The following PEA15 variants were observed in gnomAD, a reference collection of about 807,000 sequenced individuals.
PEA15 encodes the protein astrocytic phosphoprotein PEA-15.
For missense variants in PEA15, 77 were observed against 161.3 expected, an observed-to-expected ratio of 0.48 and a Z score of 2.83; for synonymous variants, 60 against 61.8, an observed-to-expected ratio of 0.97 and a Z score of 0.13.
At chr1:160,212,988 T>C in intron 2 of PEA15, 122 bp from the exon 3 acceptor site, 1 of 906,302 alleles carries the variant, frequency 1.1e-6, no homozygotes, top group East Asian at 2.4e-5. Flanking sequence ...CTTCCTCCAG[T>C]GTTGTACCCT....
At chr1:160,209,704 C>T (rs1357227693) in intron 1 of PEA15, among the ~76,000 whole-genome samples, 1 of 152,206 alleles carries the variant, frequency 6.6e-6, no homozygotes, top group Non-Finnish European at 1.5e-5. Flanking sequence ...TCTCCTGCTG[C>T]GCTTTCCCTT....
Position 160,208,422 on chromosome 1 carries a change from G to A in PEA15, c.-3+2900G>A, listed in dbSNP as rs1211198054. The A allele has an allele frequency of 1.0e-5, 6 of 594,478 alleles. No individual in the cohort carries two copies. Among genetic ancestry groups the A allele is most frequent in the Non-Finnish European group, 1.8e-5 (6 of 335,198 alleles). 36.8% of individuals were successfully genotyped at this position (594,478 alleles called of 1,614,324 possible). On this transcript the variant is annotated intron_variant, in intron 1 of 3. Transcript: ENST00000360472. This position sits in a 1 kb window ranked among gnomAD's most constrained non-coding sequence, Gnocchi z 4.1. ...AAGAGGACTGACTTCCTGGCAGCCG[G>A]GGCTCCGGTTCCTGATTCCTGCCCT...
chr1:160,208,001 G>A lies in PEA15; in HGVS notation c.-3+2479G>A, dbSNP rs530469409. Among the ~76,000 whole-genome samples, 5 of 152,298 alleles carry A rather than the reference G, an allele frequency of 3.3e-5. No individual in the cohort carries two copies. Among genetic ancestry groups the A allele is most frequent in the Non-Finnish European group, 7.4e-5 (5 of 68,020 alleles). ...GCTGCAACAGATGTGGAAGAGGGACGGGCAGCAACTCTTAATCTTCAGGCT... is the reference window on the plus strand; with the variant it reads ...GCTGCAACAGATGTGGAAGAGGGACAGGCAGCAACTCTTAATCTTCAGGCT... On this transcript the variant is annotated intron_variant, in intron 1 of 3. Transcript: ENST00000360472. This position sits in a 1 kb window ranked among gnomAD's most constrained non-coding sequence, Gnocchi z 4.1.
chr1:160,211,383 GTCTTCCT>G, intron 1 of PEA15, 153 bp from the exon 2 acceptor site: 1 of 1,318,646 alleles, frequency 7.6e-7, no homozygotes, highest in Non-Finnish European at 9.8e-7. Flanking sequence ...CCTCCCCTAG[GTCTTCCT>G]TTTCTCCCTC....
intron 1 of PEA15, among the ~76,000 whole-genome samples, chr1:160,207,490 C>A (rs565155795): frequency 1.4e-4 from 22 of 152,268 alleles, no homozygotes; most frequent in African/African-American, 5.1e-4. Context: ...TCTCCTGATG[C>A]CCCATCTTGG....
chr1:160,211,743 G>A, intron 2 of PEA15, 27 bp downstream of exon 2: 1 of 1,602,098 alleles, frequency 6.2e-7, no homozygotes. Flanking sequence ...CAGGGGTCCT[G>A]TCATCAGTCA....
intron 1 of PEA15, among the ~76,000 whole-genome samples, chr1:160,206,746 T>G (rs1415466437): frequency 6.6e-6 from 1 of 151,968 alleles, no homozygotes. Flanking sequence ...AAACAGTGTT[T>G]GAGAGTGCAC....
In PEA15 at chr1:160,211,574, C is replaced by T. The variant is rs1475862545; in HGVS notation, c.30C>T (p.Asp10=). 7 of 1,613,654 alleles carry T rather than the reference C, an allele frequency of 4.3e-6. No homozygotes were observed. In the East Asian group the frequency reaches 1.6e-4, roughly 36 times the overall value. Residue 10 remains aspartate, a synonymous_variant, in exon 2 of 4, where the codon GAC becomes GAT. Coordinates refer to ENST00000360472, the MANE Select transcript of PEA15 (RefSeq NM_003768.5). MAEYGTLLQ[D]LTNNITLEDL... is the part of the protein sequence containing the mutation. ...CTGAGTACGGGACCCTCCTGCAAGA[C>T]CTGACCAACAACATCACCCTTGAAG...
intron 1 of PEA15, 118 bp from the exon 2 acceptor site, chr1:160,211,425 A>G (rs1226369908): frequency 2.2e-6 from 3 of 1,367,702 alleles, no homozygotes; most frequent in Non-Finnish European, 2.9e-6. Context: ...TCCAGCCTCC[A>G]TGTTCCAGGC....
At chr1:160,212,978 C>A in intron 2 of PEA15, 132 bp from the exon 3 acceptor site, 1 of 817,970 alleles carries the variant, frequency 1.2e-6, no homozygotes, top group Admixed American at 2.1e-5. Flanking sequence ...AGTAGCCCCT[C>A]TTCCTCCAGT....
At chr1:160,211,497 A>G (rs1481546303) in intron 1 of PEA15, 46 bp from the exon 2 acceptor site, 2 of 1,554,242 alleles carry the variant, frequency 1.3e-6, no homozygotes, top group South Asian at 2.4e-5. Flanking sequence ...ACCAGACTCC[A>G]TACCTTAAGC....
At position 160,213,576 on chromosome 1, in the gene PEA15, A is replaced by ACTAACCTGG; in HGVS notation, c.*90_*91insCTAACCTGG. 8.9e-7 allele frequency: 1 copy of ACTAACCTGG among 1,124,202 alleles called. No individual in the cohort carries two copies. The highest frequency in any genetic ancestry group is 1.5e-5 in the African/African-American group (1 of 65,160). 69.6% of individuals were successfully genotyped at this position (1,124,202 alleles called of 1,614,324 possible). A position where few individuals can be genotyped will look rare whatever the true frequency, so the allele number is the denominator to read the frequency against. On this transcript the variant is annotated 3_prime_UTR_variant, in exon 4 of 4. Coordinates refer to ENST00000360472, the MANE Select transcript of PEA15 (RefSeq NM_003768.5). This position sits in a 1 kb window ranked among gnomAD's most constrained non-coding sequence, Gnocchi z 5.3. Reference sequence around the variant, plus strand: ...GGAGAGGGGGCAAGGGCAACCCACCATCTACCCACTTACTAACCTGGTCCT... The same window carrying ACTAACCTGG: ...GGAGAGGGGGCAAGGGCAACCCACCACTAACCTGGTCTACCCACTTACTAACCTGGTCCT...
chr1:160,208,863 A>C lies in PEA15; in HGVS notation c.-2-2680A>C. 3 of 554,744 alleles carry C rather than the reference A, an allele frequency of 5.4e-6. No individual in the cohort carries two copies. Among genetic ancestry groups the C allele is most frequent in the East Asian group, 3.0e-5 (1 of 32,940 alleles). 34.4% of individuals were successfully genotyped at this position (554,744 alleles called of 1,614,324 possible). On this transcript the variant is annotated intron_variant, in intron 1 of 3. Coordinates refer to ENST00000360472, the MANE Select transcript of PEA15 (RefSeq NM_003768.5). This position sits in a 1 kb window ranked among gnomAD's most constrained non-coding sequence, Gnocchi z 4.1. ...ACTCACCATTCCCTACACTCCTCCC[A>C]TCTAGTGGTGTCATCCTAACGACTG...
intron 1 of PEA15, among the ~76,000 whole-genome samples, chr1:160,209,468 A>G (rs1219571202): frequency 6.6e-6 from 1 of 152,026 alleles, no homozygotes; most frequent in African/African-American, 2.4e-5. Context: ...CCTCCTCTGT[A>G]GATCTGTTTT....
Position 160,213,027 on chromosome 1 carries a change from T to C in PEA15, c.173-83T>C. On this transcript the variant is annotated intron_variant, in intron 2 of 3. Coordinates refer to ENST00000360472, the MANE Select transcript of PEA15 (RefSeq NM_003768.5). The surrounding 1 kb of genome is among the most constrained non-coding windows in gnomAD (Gnocchi z 5.3). ...ATAACCAATGTCAGCAACTCAGCTT[T>C]GGTTCCAGGTCACTAGTCTGGTGGA... is the stretch of plus-strand genomic sequence containing the variant. The C allele has an allele frequency of 7.1e-7, 1 of 1,416,268 alleles. No homozygotes were observed. Among genetic ancestry groups the C allele is most frequent in the Admixed American group, 1.7e-5 (1 of 58,914 alleles). The allele number at this position is 1,416,268 out of a possible 1,614,324, so 87.7% of individuals were successfully genotyped here.
At chr1:160,206,968 A>T (rs1162329697) in intron 1 of PEA15, among the ~76,000 whole-genome samples, 1 of 152,276 alleles carries the variant, frequency 6.6e-6, no homozygotes, top group East Asian at 1.9e-4. Flanking sequence ...TCATGTGTGG[A>T]TGTATTATCA....
intron 1 of PEA15, among the ~76,000 whole-genome samples, chr1:160,210,178 C>G (rs996315095): frequency 2.6e-5 from 4 of 152,198 alleles, no homozygotes; most frequent in African/African-American, 9.7e-5. Flanking sequence ...TGCAGTAGAG[C>G]AAGAAGGAAA....
intron 1 of PEA15, among the ~76,000 whole-genome samples, chr1:160,206,816 C>G (rs780708805): frequency 6.6e-6 from 1 of 152,124 alleles, no homozygotes; most frequent in African/African-American, 2.4e-5. Context: ...GAAAGTGGTA[C>G]GTGTGTCTGG....
Position 160,213,310 on chromosome 1 carries a change from G to A in PEA15, c.328+45G>A, listed in dbSNP as rs8175359. 0.012 allele frequency: 20,128 copies of A among 1,613,524 alleles called. 197 individuals are homozygous for A. The highest frequency in any genetic ancestry group is 0.014 in the Non-Finnish European group (16,136 of 1,179,504). On this transcript the variant is annotated intron_variant, in intron 3 of 3. Coordinates refer to ENST00000360472, the MANE Select transcript of PEA15 (RefSeq NM_003768.5). The surrounding 1 kb of genome is among the most constrained non-coding windows in gnomAD (Gnocchi z 5.3). Reference sequence around the variant, plus strand: ...ACTAGCTGCACCTCTGCCTCGTCCCGTTGACTATCCTTGGAGTACTTGAGT... The same window carrying A: ...ACTAGCTGCACCTCTGCCTCGTCCCATTGACTATCCTTGGAGTACTTGAGT...
Sources: gnomAD v4.1 joint callset for allele counts (sites outside exome capture counted in the v4.1 genomes callset) on GRCh38, gnomAD v4.1.1 for gene constraint, Gnocchi (gnomAD v3.1) non-coding constraint, MANE v1.5 for transcripts, NCBI Gene and HGNC (gene_info 2026-07-23, HGNC 2026-07-21) for gene names.